The following ITPR1 variants were observed in gnomAD, a reference collection of about 807,000 sequenced individuals.
ITPR1 encodes the protein inositol 1,4,5-trisphosphate receptor type 1.
Under a neutral mutation model 318.4 loss-of-function variants are expected in ITPR1, and 96 were observed. The ratio of observed to expected loss-of-function variants is 0.30; its 90% CI spans 0.26 to 0.36. The LOEUF is 0.36. ITPR1 is among the 10% of genes least tolerant of loss of function. The pLI is 1.00. For synonymous variants in ITPR1, 1,312 were observed against 1,289.9 expected (o/e 1.02, Z -0.37); for missense variants, 2,440 against 3,460.2 (o/e 0.71, Z 7.40).
intron 4 of ITPR1, among the ~76,000 whole-genome samples, chr3:4,605,785 G>A (rs2091660069): frequency 6.6e-6 from 1 of 152,172 alleles, no homozygotes; most frequent in African/African-American, 2.4e-5. Flanking sequence ...ATCTATCGCT[G>A]AGGCCTAGAG....
chr3:4,730,323 G>A (rs2042823790), intron 42 of ITPR1, among the ~76,000 whole-genome samples: 1 of 148,176 alleles, frequency 6.7e-6, no homozygotes, highest in African/African-American at 2.5e-5. Flanking sequence ...ATGAATATGT[G>A]CCAAAAACCT....
chr3:4,683,868 C>T, intron 28 of ITPR1, 70 bp downstream of exon 28: 3 of 1,387,074 alleles, frequency 2.2e-6, no homozygotes, highest in Non-Finnish European at 3.0e-6. Context: ...GCATCCTCTT[C>T]TGGTTTTAGG....
At chr3:4,509,969 AAG>A (rs1415690512) in intron 2 of ITPR1, among the ~76,000 whole-genome samples, 5 of 152,216 alleles carry the variant, frequency 3.3e-5, no homozygotes, top group Non-Finnish European at 7.3e-5. Context: ...TCTAGTGGAG[AAG>A]ACAAACAAAC....
chr3:4,638,491 C>T (rs1375908838), intron 5 of ITPR1, among the ~76,000 whole-genome samples: 1 of 152,194 alleles, frequency 6.6e-6, no homozygotes, highest in Non-Finnish European at 1.5e-5. Context: ...TCAGCTTTAC[C>T]ATGTTCCCCC....
At chr3:4,733,030 C>A in intron 42 of ITPR1, 58 bp from the exon 43 acceptor site, 1 of 1,552,134 alleles carries the variant, frequency 6.4e-7, no homozygotes, top group Non-Finnish European at 8.8e-7. Flanking sequence ...TTTGAATATT[C>A]GTCCCTCGGT....
chr3:4,758,884 T>A (rs1481344335), intron 44 of ITPR1, among the ~76,000 whole-genome samples: 1 of 152,194 alleles, frequency 6.6e-6, no homozygotes, highest in African/African-American at 2.4e-5. Flanking sequence ...CATGTCAGCA[T>A]CACATGGAAG....
At chr3:4,741,030 G>A (rs537073424) in intron 44 of ITPR1, among the ~76,000 whole-genome samples, 2 of 152,130 alleles carry the variant, frequency 1.3e-5, no homozygotes, top group Non-Finnish European at 2.9e-5. Flanking sequence ...CAGGGCTCAC[G>A]GCACTTTCAT....
chr3:4,510,096 A>T (rs1426348615), intron 2 of ITPR1, among the ~76,000 whole-genome samples: 1 of 152,206 alleles, frequency 6.6e-6, no homozygotes, highest in Non-Finnish European at 1.5e-5. Flanking sequence ...CCAGAGGTGG[A>T]GACATCAAAC....
chr3:4,777,934 C>T (rs79059549), intron 48 of ITPR1, among the ~76,000 whole-genome samples: 140 of 152,286 alleles, frequency 9.2e-4, no homozygotes, highest in Non-Finnish European at 1.2e-3. Flanking sequence ...AATGTGCCTG[C>T]GGGCCTCTGC....
At chr3:4,542,295 T>C (rs1575470382) in intron 4 of ITPR1, among the ~76,000 whole-genome samples, 1 of 152,222 alleles carries the variant, frequency 6.6e-6, no homozygotes, top group Admixed American at 6.5e-5. Context: ...TTTGTGATTT[T>C]GACTATCAGC....
intron 35 of ITPR1, among the ~76,000 whole-genome samples, chr3:4,701,721 C>CG (rs2094656659): frequency 6.6e-6 from 1 of 152,048 alleles, no homozygotes; most frequent in South Asian, 2.1e-4. Context: ...TCATGCGTGA[C>CG]GGGAAGGTAA....
At chr3:4,629,888 A>G (rs1331143611) in intron 5 of ITPR1, among the ~76,000 whole-genome samples, 1 of 152,146 alleles carries the variant, frequency 6.6e-6, no homozygotes, top group African/African-American at 2.4e-5. Context: ...GAAGAAGAAG[A>G]AACAATGGAC....
rs141811745 is a variant in ITPR1, at chr3:4,749,810, A to G, written c.5544+14456A>G. On this transcript the variant is annotated intron_variant, in intron 44 of 61. Transcript: ENST00000649015. ...ATCATGGAGCTCAGCAGCATCCCCT[A>G]TAAGCACGTGCTCCTTTTTAACCAC... 3.6e-3 allele frequency: 553 copies of G among 152,810 alleles called. 3 individuals are homozygous for G. Among genetic ancestry groups the G allele is most frequent in the South Asian group, 0.015 (71 of 4,826 alleles). 9.5% of individuals were successfully genotyped at this position (152,810 alleles called of 1,614,324 possible).
chr3:4,597,420 A>T (rs914782622), intron 4 of ITPR1, among the ~76,000 whole-genome samples: 6 of 152,200 alleles, frequency 3.9e-5, no homozygotes, highest in Admixed American at 3.9e-4. Flanking sequence ...TAGATGATGA[A>T]GACGTCATTT....
At chr3:4,493,827 T>C (rs1336448680) in intron 1 of ITPR1, among the ~76,000 whole-genome samples, 2 of 151,770 alleles carry the variant, frequency 1.3e-5, no homozygotes, top group African/African-American at 4.8e-5. Flanking sequence ...CTCCCCATTC[T>C]GGTCTGATGT....
intron 4 of ITPR1, among the ~76,000 whole-genome samples, chr3:4,539,059 C>A (rs1044676194): frequency 6.6e-6 from 1 of 152,134 alleles, no homozygotes; most frequent in Non-Finnish European, 1.5e-5. Context: ...TATATGTATG[C>A]ATATGAAATA....
intron 46 of ITPR1, 49 bp from the exon 47 acceptor site, chr3:4,775,193 C>T (rs1377332301): frequency 4.5e-6 from 6 of 1,322,040 alleles, no homozygotes; most frequent in Admixed American, 3.4e-5. Flanking sequence ...TAACGTTTCC[C>T]TCTTCCCTCT....
At chr3:4,648,406 A>G (rs1374484234) in intron 10 of ITPR1, among the ~76,000 whole-genome samples, 1 of 152,194 alleles carries the variant, frequency 6.6e-6, no homozygotes, top group Non-Finnish European at 1.5e-5. Flanking sequence ...TTTAACAATT[A>G]TGTCTTCAGA....
At chr3:4,840,493 TTC>T (rs1392383374) in intron 61 of ITPR1, among the ~76,000 whole-genome samples, 3 of 152,210 alleles carry the variant, frequency 2.0e-5, no homozygotes, top group African/African-American at 7.2e-5. Context: ...GTTTTAGATT[TTC>T]TGATTCAAAA....
Sources: allele counts gnomAD v4.1 joint callset (sites outside exome capture counted in the v4.1 genomes callset), GRCh38; gene constraint gnomAD v4.1.1; transcripts MANE v1.5; gene names NCBI Gene and HGNC (gene_info 2026-07-23, HGNC 2026-07-21).